AVEN: variants seen among roughly 807,000 people sequenced by gnomAD.
The protein encoded by AVEN is cell death regulator Aven.
In AVEN, 41 loss-of-function variants were observed where a neutral mutation model predicts 38.1. The observed-to-expected ratio is 1.08, with a 90% CI of 0.84 to 1.40. The LOEUF is 1.40. Among genes scored for constraint, AVEN ranks in the 40% most tolerant of loss-of-function variants. The probability of loss-of-function intolerance (pLI) is 0.00; values close to 1 mark genes in which losing one functional copy is unlikely to be tolerated. For missense variants in AVEN, 605 were observed against 438.8 expected, an observed-to-expected ratio of 1.38 and a Z score of -3.38; for synonymous variants, 206 against 171.8, an observed-to-expected ratio of 1.20 and a Z score of -1.56.
intron 2 of AVEN, among the ~76,000 whole-genome samples, chr15:33,877,297 T>G (rs1891278682): frequency 6.6e-6 from 1 of 152,164 alleles, no homozygotes; most frequent in Non-Finnish European, 1.5e-5. Context: ...CATGGTCATC[T>G]AACATTTTTT....
At chr15:34,039,409 C>CG (rs1016680780), upstream of AVEN, among the ~76,000 whole-genome samples, 7 of 8,072 alleles carry the variant, frequency 8.7e-4, no homozygotes, top group Non-Finnish European at 2.2e-3. Context: ...TGTGAACTCT[C>CG]GGAAAAAAAA....
chr15:34,010,322 AAAAT>A (rs1350993532), intron 1 of AVEN, among the ~76,000 whole-genome samples: 3 of 152,282 alleles, frequency 2.0e-5, no homozygotes, highest in South Asian at 2.1e-4. Context: ...TTTTCTTTCC[AAAAT>A]AAATAAATAA....
rs116745302 is a variant in AVEN at position 34,015,995 on chromosome 15, G to A, written c.268-12786C>T. Among the ~76,000 whole-genome samples the A allele has an allele frequency of 2.9e-3, 441 of 152,276 alleles. 2 individuals carry two copies. Among genetic ancestry groups the A allele is most frequent in the African/African-American group, 0.01 (418 of 41,532 alleles). ...ATTATGTGACATAAAACTGGAAAGC[G>A]GCTGGGCGCGGTGGCTCATGCCTGT... On this transcript the variant is annotated intron_variant, in intron 1 of 5. Transcript: ENST00000306730.
chr15:34,040,954 T>C (rs1899449999), upstream of AVEN, among the ~76,000 whole-genome samples: 1 of 151,320 alleles, frequency 6.6e-6, no homozygotes, highest in Non-Finnish European at 1.5e-5. Flanking sequence ...ATTTAGACCA[T>C]AGCAGTGGGG....
At chr15:33,982,244 C>T (rs1044789080) in intron 2 of AVEN, among the ~76,000 whole-genome samples, 1 of 151,976 alleles carries the variant, frequency 6.6e-6, no homozygotes. Flanking sequence ...AGCTCTGCCC[C>T]CAACAAATTA....
upstream of AVEN, among the ~76,000 whole-genome samples, chr15:34,041,086 T>C (rs1306687313): frequency 1.3e-5 from 2 of 151,916 alleles, no homozygotes; most frequent in African/African-American, 2.4e-5. Context: ...AGTTTCTCAA[T>C]GTTGGCAAAT....
At chr15:33,916,398 C>T (rs781051517) in intron 2 of AVEN, among the ~76,000 whole-genome samples, 1 of 152,146 alleles carries the variant, frequency 6.6e-6, no homozygotes, top group African/African-American at 2.4e-5. Context: ...CCAGAAACTC[C>T]GCTGGGTGGC....
chr15:33,865,947 A>G (rs1472501686), downstream of AVEN: 1 of 152,766 alleles, frequency 6.5e-6, no homozygotes, highest in East Asian at 1.9e-4. Flanking sequence ...ATTAGAAGAA[A>G]AGTACTGTAC....
chr15:33,908,015 C>A (rs1892772362), intron 2 of AVEN, among the ~76,000 whole-genome samples: 1 of 152,108 alleles, frequency 6.6e-6, no homozygotes, highest in Admixed American at 6.6e-5. Context: ...GAAATACTTG[C>A]AACACATCAG....
chr15:33,966,048 C>A (rs1259289176), intron 2 of AVEN, among the ~76,000 whole-genome samples: 1 of 152,082 alleles, frequency 6.6e-6, no homozygotes, highest in Non-Finnish European at 1.5e-5. Context: ...AATGTTTTTC[C>A]ATTAATTCAG....
In AVEN at chr15:34,008,483, CTTTTTTTTTT is replaced by C. The variant is rs200355232; in HGVS notation, c.268-5284_268-5275del. On this transcript the variant is annotated intron_variant, in intron 1 of 5. Transcript: ENST00000306730. The stretch of plus-strand genomic sequence containing the variant: ...AAACTTCCCAAAGTTGATGAAAAAC[CTTTTTTTTTT>C]TTTTTTTTTTTTTGAGACAGAGTCT... 6.1e-3 allele frequency among the ~76,000 whole-genome samples: 731 copies of C among 119,266 alleles called. 14 individuals carry two copies. Among genetic ancestry groups the C allele is most frequent in the Admixed American group, 0.043 (544 of 12,558 alleles). The allele number at this position is 119,266 out of a possible 152,430, so 78.2% of individuals were successfully genotyped here. A position where few individuals can be genotyped will look rare whatever the true frequency, so the allele number is the denominator to read the frequency against.
intron 2 of AVEN, among the ~76,000 whole-genome samples, chr15:34,002,248 C>A (rs1024649440): frequency 3.3e-5 from 5 of 152,186 alleles, no homozygotes; most frequent in Admixed American, 3.3e-4. Context: ...TATCTGCCAC[C>A]GCAGTCAAGA....
At chr15:33,965,280 TC>T (rs1272535617) in intron 2 of AVEN, among the ~76,000 whole-genome samples, 1 of 152,152 alleles carries the variant, frequency 6.6e-6, no homozygotes, top group Non-Finnish European at 1.5e-5. Context: ...CTTCCATAAG[TC>T]CACAATACTC....
intron 2 of AVEN, among the ~76,000 whole-genome samples, chr15:33,970,118 C>A (rs1006587446): frequency 6.6e-6 from 1 of 151,898 alleles, no homozygotes; most frequent in South Asian, 2.1e-4. Flanking sequence ...AAGAGCATAT[C>A]ACACCTAACT....
chr15:33,874,300 T>C lies in AVEN; in HGVS notation c.516+1625A>G, dbSNP rs552958155. Among the ~76,000 whole-genome samples, 5 of 152,308 alleles carry C rather than the reference T, an allele frequency of 3.3e-5. No homozygotes were observed. In the South Asian group the frequency reaches 1.0e-3, roughly 32 times the overall value. ...AAAAAGTTTGCCCAAGTCTCAGATC[T>C]AGAATTCACACTCAGGTCTGAAACT... On this transcript the variant is annotated intron_variant, in intron 3 of 5. Transcript: ENST00000306730.
intron 2 of AVEN, among the ~76,000 whole-genome samples, chr15:33,882,117 CTTG>C (rs1204767524): frequency 6.6e-6 from 1 of 152,096 alleles, no homozygotes; most frequent in Non-Finnish European, 1.5e-5. Flanking sequence ...GTAGAACGGC[CTTG>C]TTGTGTACTT....
At chr15:33,962,528 C>T (rs568843624) in intron 2 of AVEN, among the ~76,000 whole-genome samples, 5 of 152,236 alleles carry the variant, frequency 3.3e-5, no homozygotes, top group African/African-American at 1.2e-4. Flanking sequence ...CCTTTCTTTC[C>T]ATCTATTATT....
chr15:33,894,839 A>G (rs1567401389), intron 2 of AVEN, among the ~76,000 whole-genome samples: 1 of 139,012 alleles, frequency 7.2e-6, no homozygotes, highest in South Asian at 2.4e-4. Context: ...CAATAATAAT[A>G]ATAATAATAA....
intron 2 of AVEN, among the ~76,000 whole-genome samples, chr15:33,886,246 G>C (rs1891694343): frequency 6.6e-6 from 1 of 152,182 alleles, no homozygotes; most frequent in South Asian, 2.1e-4. Context: ...GGAGATAACG[G>C]AATCATGGGG....
Sources: gnomAD v4.1 joint callset for allele counts (sites outside exome capture counted in the v4.1 genomes callset) on GRCh38, gnomAD v4.1.1 for gene constraint, MANE v1.5 for transcripts, NCBI Gene and HGNC (gene_info 2026-07-23, HGNC 2026-07-21) for gene names.